Variants in CHST9 observed in about 807,000 individuals in gnomAD.
CHST9 encodes the protein GalNAc-4-sulfotransferase 2.
CHST9 carries 41 observed loss-of-function variants against 44.4 expected under a neutral mutation model. The ratio of observed to expected loss-of-function variants is 0.92; its 90% CI spans 0.72 to 1.20. The LOEUF (loss-of-function observed/expected upper bound fraction) is 1.20. Ranked by LOEUF, CHST9 falls within the 50% of genes most tolerant of loss-of-function variation. CHST9 has a pLI of 0.00. For missense variants in CHST9, 504 were observed against 516.5 expected (o/e 0.98, Z 0.23); for synonymous variants, 171 against 178.4 (o/e 0.96, Z 0.33).
At chr18:27,099,456 A>G (rs185692379) in intron 2 of CHST9, among the ~76,000 whole-genome samples, 137 of 152,328 alleles carry the variant, frequency 9.0e-4, no homozygotes, top group Non-Finnish European at 1.5e-3. Flanking sequence ...AAGGTCTAAT[A>G]TACAGAATTG....
At chr18:27,073,815 T>TTA (rs1047191479) in intron 2 of CHST9, among the ~76,000 whole-genome samples, 10 of 152,010 alleles carry the variant, frequency 6.6e-5, no homozygotes, top group Admixed American at 2.6e-4. Flanking sequence ...TTGTGACTAT[T>TTA]TATATATATA....
intron 2 of CHST9, among the ~76,000 whole-genome samples, chr18:27,098,204 A>C (rs1383584899): frequency 6.6e-6 from 1 of 152,182 alleles, no homozygotes; most frequent in South Asian, 2.1e-4. Context: ...ACATTAAAAA[A>C]AAAAGCTCAA....
chr18:27,063,352 T>C (rs554674555), intron 2 of CHST9, among the ~76,000 whole-genome samples: 1 of 152,342 alleles, frequency 6.6e-6, no homozygotes, highest in East Asian at 1.9e-4. Context: ...TTTTGATTTA[T>C]ACAGTCTCCA....
chr18:27,177,838 A>G lies in CHST9; in HGVS notation c.-97+7298T>C, dbSNP rs553815784. ...GAGGAAGGAGGGTTTTACTTCCACA[A>G]TCTTTCCCTCTATTCCATACAAAAA... is the stretch of plus-strand genomic sequence containing the variant. On this transcript the variant is annotated intron_variant, in intron 1 of 5. Transcript: ENST00000618847. 2.3e-4 allele frequency among the ~76,000 whole-genome samples: 35 copies of G among 152,124 alleles called. No homozygotes were observed. The East Asian group carries it at 4.1e-3, about 18-fold the overall frequency.
chr18:26,922,170 C>T (rs1046626187), intron 5 of CHST9, among the ~76,000 whole-genome samples: 1 of 152,124 alleles, frequency 6.6e-6, no homozygotes, highest in South Asian at 2.1e-4. Context: ...TTTTGCTTCT[C>T]TCTTAACACA....
intron 2 of CHST9, among the ~76,000 whole-genome samples, chr18:27,123,194 TGAC>T (rs2058389909): frequency 6.6e-6 from 1 of 152,100 alleles, no homozygotes; most frequent in Admixed American, 6.5e-5. Context: ...ACAGGGAAAA[TGAC>T]CACAGCATGG....
At chr18:27,049,473 G>A (rs192681166) in intron 2 of CHST9, among the ~76,000 whole-genome samples, 4 of 152,132 alleles carry the variant, frequency 2.6e-5, no homozygotes, top group African/African-American at 4.8e-5. Context: ...TAATATATAC[G>A]CATCTGACAT....
intron 3 of CHST9, among the ~76,000 whole-genome samples, chr18:27,030,916 A>G (rs2057333777): frequency 6.6e-6 from 1 of 150,552 alleles, no homozygotes; most frequent in Non-Finnish European, 1.5e-5. Context: ...ATTCTAGGAA[A>G]TAGGGCAAAA....
At chr18:27,169,772 AT>A (rs1031615381) in intron 1 of CHST9, among the ~76,000 whole-genome samples, 6 of 151,368 alleles carry the variant, frequency 4.0e-5, no homozygotes, top group Admixed American at 6.6e-5. Context: ...ATGCCGGCTA[AT>A]TTTTTTTGTA....
chr18:27,161,001 T>C (rs2058742135), intron 1 of CHST9, among the ~76,000 whole-genome samples: 1 of 152,200 alleles, frequency 6.6e-6, no homozygotes, highest in Admixed American at 6.5e-5. Flanking sequence ...TCTTCTCTCT[T>C]TTCTTCTTTA....
At chr18:27,049,547 T>A (rs984712842) in intron 2 of CHST9, among the ~76,000 whole-genome samples, 1 of 151,770 alleles carries the variant, frequency 6.6e-6, no homozygotes, top group Non-Finnish European at 1.5e-5. Flanking sequence ...AGCCATACAA[T>A]AATGGTGGGG....
intron 4 of CHST9, among the ~76,000 whole-genome samples, chr18:26,965,858 A>G (rs1014251999): frequency 6.6e-6 from 1 of 152,192 alleles, no homozygotes; most frequent in African/African-American, 2.4e-5. Context: ...TCAGGAAGAA[A>G]ACATCTCATA....
At chr18:27,019,326 G>A (rs28433105) in intron 4 of CHST9, among the ~76,000 whole-genome samples, 20,893 of 152,114 alleles carry the variant, frequency 0.14, 3,301 homozygotes, top group African/African-American at 0.39. Flanking sequence ...TCTACTCCGA[G>A]AGAGAGTATG....
At chr18:26,990,461 A>G (rs1250076070) in intron 4 of CHST9, among the ~76,000 whole-genome samples, 1 of 152,192 alleles carries the variant, frequency 6.6e-6, no homozygotes, top group East Asian at 1.9e-4. Flanking sequence ...TTTTATAAGT[A>G]TGTTATGCTC....
chr18:27,101,560 A>T lies in CHST9; in HGVS notation c.121+41129T>A, dbSNP rs933296797. Among the ~76,000 whole-genome samples the T allele has an allele frequency of 3.9e-5, 6 of 152,150 alleles. No homozygotes were observed. In the South Asian group the frequency reaches 1.2e-3, roughly 32 times the overall value. On this transcript the variant is annotated intron_variant, in intron 2 of 5. Coordinates refer to ENST00000618847, the MANE Select transcript of CHST9 (RefSeq NM_031422.6). ...GGGAGGCGGAGCTTGCAGCGAGCCG[A>T]GATTGCGCCACTGCAGTCCGGCCTG...
At chr18:26,946,914 A>G (rs373501039) in intron 4 of CHST9, among the ~76,000 whole-genome samples, 4,384 of 110,042 alleles carry the variant, frequency 0.04, 187 homozygotes, top group African/African-American at 0.11. Flanking sequence ...TGTTTTGGTT[A>G]CTGTAGCCTT....
chr18:27,074,087 A>G (rs2057873396), intron 2 of CHST9, among the ~76,000 whole-genome samples: 1 of 152,182 alleles, frequency 6.6e-6, no homozygotes, highest in South Asian at 2.1e-4. Context: ...AAAGAAATTC[A>G]TATTTTATCC....
chr18:27,155,086 T>TAAAAAAA (rs145704285), intron 1 of CHST9, among the ~76,000 whole-genome samples: 5 of 108,758 alleles, frequency 4.6e-5, no homozygotes, highest in East Asian at 2.5e-4. Flanking sequence ...TTTCAAAAGT[T>TAAAAAAA]AAAAAAAAAA....
rs529906860 is a variant in CHST9 at position 26,909,744 on chromosome 18, C to G, written c.*6515G>C. The G allele has an allele frequency of 6.6e-6, 1 of 152,046 alleles. No individual in the cohort carries two copies. The allele number at this position is 152,046 out of a possible 1,614,324, so 9.4% of individuals were successfully genotyped here. ...CCCTTCTCCTGTTTTCTCCACCTCT[C>G]TAAGTATAGAAGTGGGGGGAGGAGT... On this transcript the variant is annotated 3_prime_UTR_variant, in exon 6 of 6. Coordinates refer to ENST00000618847, the MANE Select transcript of CHST9 (RefSeq NM_031422.6).
Sources: allele counts gnomAD v4.1 joint callset (sites outside exome capture counted in the v4.1 genomes callset), GRCh38; gene constraint gnomAD v4.1.1; transcripts MANE v1.5; gene names NCBI Gene and HGNC (gene_info 2026-07-23, HGNC 2026-07-21).